CLSTN1: variants seen among roughly 807,000 people sequenced by gnomAD.
The protein encoded by CLSTN1 is calsyntenin-1.
Under a neutral mutation model 108.3 loss-of-function variants are expected in CLSTN1, and 28 were observed. The ratio of observed to expected loss-of-function variants is 0.26; its 90% CI spans 0.19 to 0.35. The LOEUF (loss-of-function observed/expected upper bound fraction) is 0.35. CLSTN1 is among the 10% of genes least tolerant of loss of function. The pLI, the probability that CLSTN1 is intolerant of heterozygous loss-of-function variation, is 1.00. For synonymous variants in CLSTN1, 524 were observed against 534.9 expected (o/e 0.98, Z 0.28); for missense variants, 1,157 against 1,302.6 (o/e 0.89, Z 1.72).
intron 1 of CLSTN1, among the ~76,000 whole-genome samples, chr1:9,808,922 A>T (rs1445446548): frequency 6.6e-6 from 1 of 151,826 alleles, no homozygotes; most frequent in Non-Finnish European, 1.5e-5. Context: ...GGTCTCCTGC[A>T]TTCTAGATAT....
intron 1 of CLSTN1, among the ~76,000 whole-genome samples, chr1:9,773,775 C>T (rs1048129308): frequency 9.9e-5 from 15 of 152,166 alleles, no homozygotes; most frequent in African/African-American, 3.4e-4. Context: ...GCTCTGTCAC[C>T]CAGGCTGGAG....
chr1:9,736,141 T>A, intron 11 of CLSTN1, 99 bp from the exon 12 acceptor site: 1 of 1,411,448 alleles, frequency 7.1e-7, no homozygotes, highest in Non-Finnish European at 9.9e-7. Context: ...GGCAGCTCAG[T>A]GGATGGACAT....
intron 11 of CLSTN1, among the ~76,000 whole-genome samples, chr1:9,736,323 G>GT (rs1379222285): frequency 6.6e-6 from 1 of 152,110 alleles, no homozygotes; most frequent in African/African-American, 2.4e-5. Flanking sequence ...CCACTACCTG[G>GT]TAAGGTGGCC....
rs181306551 is a variant in CLSTN1, at chr1:9,807,010, G to A, written c.91+16633C>T. Among the ~76,000 whole-genome samples, 390 of 151,796 alleles carry A rather than the reference G, an allele frequency of 2.6e-3. 2 individuals carry two copies. Among genetic ancestry groups the A allele is most frequent in the African/African-American group, 8.8e-3 (364 of 41,304 alleles). Reference sequence around the variant, plus strand: ...TGTTTTCTTGTTCTACAGTAAGGGCGTGGGGGGGGGTCTGGAGCAGCATTG... The same window carrying A: ...TGTTTTCTTGTTCTACAGTAAGGGCATGGGGGGGGGTCTGGAGCAGCATTG... On this transcript the variant is annotated intron_variant, in intron 1 of 18. Coordinates refer to ENST00000377298, the MANE Select transcript of CLSTN1 (RefSeq NM_001009566.3).
chr1:9,796,553 A>T (rs891224504), intron 1 of CLSTN1, among the ~76,000 whole-genome samples: 1 of 149,608 alleles, frequency 6.7e-6, no homozygotes, highest in Non-Finnish European at 1.5e-5. Flanking sequence ...ACGTGGTGGC[A>T]GGCGCCTGTA....
chr1:9,767,851 G>GA (rs933960718), intron 2 of CLSTN1, among the ~76,000 whole-genome samples: 3 of 152,124 alleles, frequency 2.0e-5, no homozygotes, highest in African/African-American at 7.2e-5. Context: ...AATGTTAAGT[G>GA]AAAAAATATT....
At chr1:9,746,585 A>C (rs538849200) in intron 7 of CLSTN1, among the ~76,000 whole-genome samples, 1 of 152,318 alleles carries the variant, frequency 6.6e-6, no homozygotes, top group South Asian at 2.1e-4. Flanking sequence ...ATGATGGCAG[A>C]TGCCTGTAAT....
At chr1:9,786,498 C>T (rs1653493954) in intron 1 of CLSTN1, among the ~76,000 whole-genome samples, 2 of 151,850 alleles carry the variant, frequency 1.3e-5, no homozygotes, top group South Asian at 4.2e-4. Flanking sequence ...TAAAAATTAG[C>T]CAGGTGTGGT....
chr1:9,812,287 C>G (rs949662560), intron 1 of CLSTN1, among the ~76,000 whole-genome samples: 2 of 152,034 alleles, frequency 1.3e-5, no homozygotes, highest in African/African-American at 4.8e-5. Flanking sequence ...TTGCTTGTTG[C>G]TGAGGATGGA....
At position 9,731,778 on chromosome 1, in the gene CLSTN1, T is replaced by C. The variant is rs146135346; in HGVS notation, c.2546A>G (p.Asn849Ser). The C allele has an allele frequency of 1.4e-5, 23 of 1,613,966 alleles. No homozygotes were observed. The Admixed American group carries it at 3.3e-4, about 23-fold the overall frequency. The change falls in exon 17 of 19, where the codon AAC becomes AGC. Residue 849 changes from asparagine to serine, a missense_variant. Physicochemically the swap from Asn to Ser is conservative, Grantham distance 46 (BLOSUM62 1). Transcript: ENST00000377298. ...FVDLSGHNLA[N>S]PHPFAVVPST... ...TGTCCTACCTGCGAACGGGTGGGGG[T>C]TGGCCAGGTTGTGGCCTGACAGGTC...
chr1:9,744,792 T>C (rs1311993129), intron 7 of CLSTN1, 149 bp from the exon 8 acceptor site: 4 of 1,025,024 alleles, frequency 3.9e-6, no homozygotes, highest in Non-Finnish European at 5.5e-6. Flanking sequence ...TCTTGCTTTG[T>C]CCCCAGGCTG....
chr1:9,772,228 G>GC (rs1652725431), intron 2 of CLSTN1, among the ~76,000 whole-genome samples: 1 of 135,268 alleles, frequency 7.4e-6, no homozygotes, highest in African/African-American at 2.8e-5. Flanking sequence ...CTTGTGACCC[G>GC]CCCGCCTCGG....
chr1:9,786,841 G>A (rs1363738240), intron 1 of CLSTN1, among the ~76,000 whole-genome samples: 1 of 151,188 alleles, frequency 6.6e-6, no homozygotes, highest in African/African-American at 2.4e-5. Flanking sequence ...GTTGGGGAGC[G>A]CAAGGCATGC....
chr1:9,817,597 G>A (rs919263079), intron 1 of CLSTN1, among the ~76,000 whole-genome samples: 1 of 152,122 alleles, frequency 6.6e-6, no homozygotes, highest in African/African-American at 2.4e-5. Context: ...CAAAGTGCTG[G>A]GATTACAGTT....
At chr1:9,750,473 T>C (rs1332879626) in intron 5 of CLSTN1, among the ~76,000 whole-genome samples, 1 of 152,062 alleles carries the variant, frequency 6.6e-6, no homozygotes, top group Non-Finnish European at 1.5e-5. Context: ...TCTCGTTCTC[T>C]TGCCCAGGCT....
At chr1:9,733,283 C>T in intron 16 of CLSTN1, 118 bp downstream of exon 16, 1 of 1,268,748 alleles carries the variant, frequency 7.9e-7, no homozygotes, top group Non-Finnish European at 1.1e-6. Flanking sequence ...CTAGAATGAG[C>T]CTGTATAGCT....
intron 16 of CLSTN1, among the ~76,000 whole-genome samples, chr1:9,732,241 G>C (rs1046070620): frequency 2.0e-5 from 3 of 152,080 alleles, no homozygotes; most frequent in African/African-American, 7.2e-5. Context: ...GGGCTGGAGC[G>C]CAGTAGCTAT....
Position 9,811,766 on chromosome 1 carries a change from G to C in CLSTN1, c.91+11877C>G, listed in dbSNP as rs562534048. ...AAAAAAAAGAGTAGGGATTATCCAA[G>C]AATTTTAATGATTTGTTATCCTTTT... On this transcript the variant is annotated intron_variant, in intron 1 of 18. Coordinates refer to ENST00000377298, the MANE Select transcript of CLSTN1 (RefSeq NM_001009566.3). Among the ~76,000 whole-genome samples, 11 of 146,824 alleles carry C rather than the reference G, an allele frequency of 7.5e-5. No individual in the cohort carries two copies. In the South Asian group the frequency reaches 2.4e-3, roughly 32 times the overall value.
In CLSTN1 at chr1:9,755,946, A is replaced by C. The variant is rs148741965; in HGVS notation, c.244+535T>G. ...AGCTATTTTATCATCTACGATTCAG[A>C]CACAGTTTCTATTATGGGAGGGACT... On this transcript the variant is annotated intron_variant, in intron 3 of 18. Transcript: ENST00000377298. Among the ~76,000 whole-genome samples, 124 of 152,338 alleles carry C rather than the reference A, an allele frequency of 8.1e-4. 3 individuals are homozygous for C. In the East Asian group the frequency reaches 0.023, roughly 28 times the overall value.
Sources: gnomAD v4.1 joint callset for allele counts (sites outside exome capture counted in the v4.1 genomes callset) on GRCh38, gnomAD v4.1.1 for gene constraint, MANE v1.5 for transcripts, NCBI Gene and HGNC (gene_info 2026-07-23, HGNC 2026-07-21) for gene names.